The following BTG4 variants were observed in gnomAD, a reference collection of about 807,000 sequenced individuals.
BTG4 encodes BTG anti-proliferation factor 4.
A neutral mutation model predicts 19.3 loss-of-function variants in BTG4; 10 were observed. That is an observed-to-expected ratio of 0.52 (90% CI 0.32 to 0.88). The LOEUF is 0.88. BTG4 is among the 40% of genes least tolerant of loss of function. The pLI is 0.04. For missense variants in BTG4, 238 were observed against 281.9 expected (o/e 0.84, Z 1.11); for synonymous variants, 91 against 95.7 (o/e 0.95, Z 0.29).
the BTG4 span, among the ~76,000 whole-genome samples, chr11:111,430,295 A>G: frequency 1.4e-4 from 22 of 152,342 alleles, no homozygotes; most frequent in South Asian, 4.3e-3. Flanking sequence ...GGACAACTCA[A>G]AAGTGGAGCC....
At chr11:111,512,671 C>T (rs1490207469), upstream of BTG4, among the ~76,000 whole-genome samples, 1 of 152,110 alleles carries the variant, frequency 6.6e-6, no homozygotes, top group Admixed American at 6.5e-5. Flanking sequence ...GAAGGGGAGG[C>T]CTGGCACTCC....
chr11:111,499,139 A>G (rs1865915680), intron 1 of BTG4, among the ~76,000 whole-genome samples: 1 of 152,244 alleles, frequency 6.6e-6, no homozygotes, highest in African/African-American at 2.4e-5. Context: ...ATCACTTTTT[A>G]AAGATATATT....
At chr11:111,470,658 T>C (rs1864004329) in intron 5 of BTG4, among the ~76,000 whole-genome samples, 1 of 152,204 alleles carries the variant, frequency 6.6e-6, no homozygotes, top group Admixed American at 6.5e-5. Flanking sequence ...AGTTTACACC[T>C]GTAATCTCTG....
At chr11:111,481,828 T>C (rs1864759235) in intron 5 of BTG4, among the ~76,000 whole-genome samples, 1 of 151,864 alleles carries the variant, frequency 6.6e-6, no homozygotes, top group African/African-American at 2.4e-5. Context: ...CTTCCTCAAT[T>C]TGATTTTTTT....
chr11:111,486,493 G>A (rs745870309), intron 5 of BTG4, among the ~76,000 whole-genome samples: 2 of 151,984 alleles, frequency 1.3e-5, no homozygotes, highest in Non-Finnish European at 2.9e-5. Context: ...AAAAAATTGG[G>A]CTAAAAAATT....
chr11:111,451,395 C>T, the BTG4 span: 2 of 453,726 alleles, frequency 4.4e-6, no homozygotes, highest in Admixed American at 2.4e-5. Context: ...GAGCAGCAAC[C>T]GACATCGGAA....
the BTG4 span, among the ~76,000 whole-genome samples, chr11:111,446,541 G>A: frequency 6.6e-6 from 1 of 151,924 alleles, no homozygotes; most frequent in African/African-American, 2.4e-5. Context: ...GCAGGGACAG[G>A]AACGTTTTGG....
chr11:111,474,193 A>T (rs1418169363), intron 5 of BTG4, among the ~76,000 whole-genome samples: 1 of 152,162 alleles, frequency 6.6e-6, no homozygotes, highest in African/African-American at 2.4e-5. Context: ...AAAACTTTTA[A>T]ACCTTTATTA....
At chr11:111,400,316 T>C in the BTG4 span, among the ~76,000 whole-genome samples, 6 of 152,226 alleles carry the variant, frequency 3.9e-5, no homozygotes, top group African/African-American at 1.4e-4. Context: ...TTGCTAAAAC[T>C]GCTTTCAACT....
chr11:111,430,663 A>G, the BTG4 span, among the ~76,000 whole-genome samples: 1 of 152,242 alleles, frequency 6.6e-6, no homozygotes, highest in Admixed American at 6.5e-5. Flanking sequence ...GGGGGTCCCA[A>G]GATTTATTTT....
At chr11:111,475,139 T>C (rs1436291407) in intron 5 of BTG4, 1 of 152,612 alleles carries the variant, frequency 6.6e-6, no homozygotes, top group Non-Finnish European at 1.5e-5. Flanking sequence ...GTCTGCATTA[T>C]TAAAAGGTCT....
At chr11:111,394,519 A>AC in the BTG4 span, among the ~76,000 whole-genome samples, 10 of 149,280 alleles carry the variant, frequency 6.7e-5, no homozygotes, top group South Asian at 6.5e-4. Flanking sequence ...TGATTGTGAG[A>AC]CCCCCCCACC....
chr11:111,424,164 T>C, the BTG4 span, among the ~76,000 whole-genome samples: 2 of 152,134 alleles, frequency 1.3e-5, no homozygotes, highest in Non-Finnish European at 1.5e-5. Context: ...CCCTCACAGG[T>C]TCATCTTTAG....
At chr11:111,505,343 G>A (rs903290361) in intron 1 of BTG4, among the ~76,000 whole-genome samples, 1 of 151,802 alleles carries the variant, frequency 6.6e-6, no homozygotes, top group Non-Finnish European at 1.5e-5. Context: ...ATTGATCTTC[G>A]ATTAAAGTCA....
intron 1 of BTG4, among the ~76,000 whole-genome samples, chr11:111,510,056 C>T (rs181659555): frequency 5.9e-5 from 9 of 151,712 alleles, no homozygotes; most frequent in Admixed American, 1.3e-4. Context: ...GAACTACAGG[C>T]GCGCACCACC....
chr11:111,394,759 C>T, the BTG4 span, among the ~76,000 whole-genome samples: 515 of 152,304 alleles, frequency 3.4e-3, 5 homozygotes, highest in African/African-American at 0.012. Flanking sequence ...GTTTGAGAGA[C>T]AGACCTCGTC....
At chr11:111,461,868 G>T in the BTG4 span, 1 of 152,790 alleles carries the variant, frequency 6.5e-6, no homozygotes, top group Non-Finnish European at 1.5e-5. Flanking sequence ...AAGCCAGTAA[G>T]CCCTAAACAG....
intron 5 of BTG4, among the ~76,000 whole-genome samples, chr11:111,485,156 T>C (rs1864980968): frequency 1.3e-5 from 2 of 152,034 alleles, no homozygotes; most frequent in African/African-American, 4.8e-5. Flanking sequence ...CTCAATACAA[T>C]ATCTGGGAAT....
At chr11:111,471,899 C>T (rs1248592072) in intron 5 of BTG4, among the ~76,000 whole-genome samples, 1 of 152,190 alleles carries the variant, frequency 6.6e-6, no homozygotes, top group Non-Finnish European at 1.5e-5. Flanking sequence ...GCCAAAGCAT[C>T]CCTTGAAACT....
Sources: allele counts gnomAD v4.1 joint callset (sites outside exome capture counted in the v4.1 genomes callset), GRCh38; gene constraint gnomAD v4.1.1; transcripts MANE v1.5; gene names NCBI Gene and HGNC (gene_info 2026-07-23, HGNC 2026-07-21).